Variants in PAX2 observed in about 807,000 individuals in gnomAD.
PAX2 encodes paired box protein Pax-2.
Under a neutral mutation model 41.7 loss-of-function variants are expected in PAX2, and 9 were observed. The ratio of observed to expected loss-of-function variants is 0.22; its 90% CI spans 0.13 to 0.38. The LOEUF is 0.38. PAX2 is among the 10% of genes least tolerant of loss of function. The probability of loss-of-function intolerance (pLI) is 1.00; values close to 1 mark genes in which losing one functional copy is unlikely to be tolerated. For missense variants in PAX2, 418 were observed against 531.6 expected, an observed-to-expected ratio of 0.79 and a Z score of 2.10; for synonymous variants, 221 against 212.7, an observed-to-expected ratio of 1.04 and a Z score of -0.34.
intron 1 of PAX2, chr10:100,735,763 C>G: frequency 1.9e-6 from 2 of 1,029,942 alleles, no homozygotes; most frequent in Non-Finnish European, 2.3e-6. Flanking sequence ...GTCCGCGCCG[C>G]AGGCGAGGAC....
In PAX2 at chr10:100,779,512, A is replaced by G. The variant is rs1188456505; in HGVS notation, c.425A>G (p.Lys142Arg). ...CGCTGTTGCAGAATCATCCGGACCA[A>G]AGTTCAGCAGCCTTTCCACCCAACG... ...VSSINRIIRT[K>R]VQQPFHPTPD... Residue 142 changes from lysine to arginine, a missense_variant, in exon 4 of 10, where the codon AAA becomes AGA. Coordinates refer to ENST00000355243, the MANE Select transcript of PAX2 (RefSeq NM_000278.5). 1.9e-6 allele frequency: 3 copies of G among 1,594,818 alleles called. No homozygotes were observed. The highest frequency in any genetic ancestry group is 1.1e-5 in the South Asian group (1 of 87,138).
intron 5 of PAX2, among the ~76,000 whole-genome samples, chr10:100,796,681 A>T (rs1847350446): frequency 6.6e-6 from 1 of 152,056 alleles, no homozygotes; most frequent in African/African-American, 2.4e-5. Context: ...AGCATGGAGC[A>T]TTTTGCTTTC....
intron 3 of PAX2, among the ~76,000 whole-genome samples, chr10:100,771,901 GC>G (rs542470720): frequency 2.1e-4 from 31 of 151,164 alleles, no homozygotes; most frequent in African/African-American, 7.3e-4. Flanking sequence ...TTCACCTCCC[GC>G]GTTCAAGCAA....
At chr10:100,775,512 C>G (rs1238241761) in intron 3 of PAX2, among the ~76,000 whole-genome samples, 5 of 152,202 alleles carry the variant, frequency 3.3e-5, no homozygotes, top group African/African-American at 1.2e-4. Context: ...CCCAGCTCCT[C>G]CCCCATGCAC....
chr10:100,824,932 T>G lies in PAX2; in HGVS notation c.1021+183T>G. ...GCAGTTGGTCCCTCATCCTCCCTCA[T>G]GAGCAAGCCGGGGAGGAAGCTTGCA... On this transcript the variant is annotated intron_variant, in intron 8 of 9. Transcript: ENST00000355243. This position sits in a 1 kb window ranked among gnomAD's most constrained non-coding sequence, Gnocchi z 6.6. 1.2e-6 allele frequency: 2 copies of G among 1,614,138 alleles called. No homozygotes were observed. The highest frequency in any genetic ancestry group is 1.7e-6 in the Non-Finnish European group (2 of 1,180,008).
At position 100,765,916 on chromosome 10, in the gene PAX2, T is replaced by TATC. The variant is rs35255034; in HGVS notation, c.411-13552_411-13550dup. Among the ~76,000 whole-genome samples, 153 of 151,020 alleles carry TATC rather than the reference T, an allele frequency of 1.0e-3. 1 individual carries two copies. Among genetic ancestry groups the TATC allele is most frequent in the South Asian group, 3.2e-3 (15 of 4,736 alleles). The stretch of plus-strand genomic sequence containing the variant: ...GCTTTACTCAGAAAGCCTTTATATT[T>TATC]ATCATCATCATCATCATCATCATCA... On this transcript the variant is annotated intron_variant, in intron 3 of 9. Transcript: ENST00000355243.
chr10:100,745,930 T>G lies in PAX2; in HGVS notation c.-331T>G, dbSNP rs1589805542. On this transcript the variant is annotated 5_prime_UTR_variant, in exon 1 of 10. Transcript: ENST00000355243. Reference sequence around the variant, plus strand: ...AGCGAGTCGCCTCCCCCGCCCAGCTTCAGCCCTGGCTGCAGCTGCAGCGCG... The same window carrying G: ...AGCGAGTCGCCTCCCCCGCCCAGCTGCAGCCCTGGCTGCAGCTGCAGCGCG... 1.8e-5 allele frequency: 22 copies of G among 1,226,512 alleles called. No individual in the cohort carries two copies. The East Asian group carries it at 8.3e-4, about 46-fold the overall frequency. The allele number at this position is 1,226,512 out of a possible 1,614,324, so 76.0% of individuals were successfully genotyped here. A position where few individuals can be genotyped will look rare whatever the true frequency, so the allele number is the denominator to read the frequency against.
chr10:100,739,350 C>G lies in PAX2; in HGVS notation c.25+3617C>G, dbSNP rs978580469. On this transcript the variant is annotated intron_variant, in intron 1 of 9. Transcript: ENST00000679374. ...CCTTTGGGCCTCCCAGTCTCTCTGG[C>G]GGGTCCCCCTGCCTTACCAGCTCCC... Among the ~76,000 whole-genome samples the G allele has an allele frequency of 2.6e-5, 4 of 152,234 alleles. No individual in the cohort carries two copies. In the East Asian group the frequency reaches 7.7e-4, roughly 29 times the overall value.
chr10:100,740,460 G>A (rs979982194), intron 1 of PAX2, among the ~76,000 whole-genome samples: 1 of 152,192 alleles, frequency 6.6e-6, no homozygotes, highest in African/African-American at 2.4e-5. Context: ...GGCGGCGCGG[G>A]GAGGAATCCC....
At chr10:100,739,493 C>T (rs1844881277) in intron 1 of PAX2, among the ~76,000 whole-genome samples, 1 of 152,184 alleles carries the variant, frequency 6.6e-6, no homozygotes, top group Non-Finnish European at 1.5e-5. Context: ...CGGCTCGCAA[C>T]TCTGGGAAAC....
intron 3 of PAX2, among the ~76,000 whole-genome samples, chr10:100,772,868 C>T (rs959363957): frequency 6.6e-6 from 1 of 152,176 alleles, no homozygotes; most frequent in Non-Finnish European, 1.5e-5. Flanking sequence ...TTCTAGACAG[C>T]AGGAAAGGAT....
intron 3 of PAX2, among the ~76,000 whole-genome samples, chr10:100,765,035 G>A (rs1170449441): frequency 6.6e-6 from 1 of 152,110 alleles, no homozygotes; most frequent in Non-Finnish European, 1.5e-5. Context: ...AATGAAATCT[G>A]TCTATTCTTG....
chr10:100,783,659 C>CTTTTT (rs36041109), intron 5 of PAX2, among the ~76,000 whole-genome samples: 5 of 118,472 alleles, frequency 4.2e-5, no homozygotes, highest in African/African-American at 6.5e-5. Flanking sequence ...GGAGTTTGGG[C>CTTTTT]TTTTTTTTTT....
chr10:100,779,635 A>G (rs1846533883), intron 4 of PAX2, 52 bp downstream of exon 4: 1 of 1,394,926 alleles, frequency 7.2e-7, no homozygotes, highest in South Asian at 1.2e-5. Context: ...AGAGAAAGGC[A>G]GGAAACGCAG....
intron 5 of PAX2, chr10:100,786,876 C>T (rs1179985923): frequency 1.0e-6 from 1 of 957,070 alleles, no homozygotes. Flanking sequence ...TGGGATCCTG[C>T]CCCCAATCTT....
intron 5 of PAX2, among the ~76,000 whole-genome samples, chr10:100,802,568 G>C (rs561754159): frequency 2.0e-5 from 3 of 152,194 alleles, no homozygotes; most frequent in Non-Finnish European, 4.4e-5. Flanking sequence ...GGGTGTCCTT[G>C]GGTGCCAGGC....
intron 3 of PAX2, among the ~76,000 whole-genome samples, chr10:100,775,009 A>T (rs1317961345): frequency 6.6e-6 from 1 of 152,224 alleles, no homozygotes; most frequent in Admixed American, 6.5e-5. Context: ...GCATCTTGTG[A>T]AGGAAAGAGA....
intron 3 of PAX2, among the ~76,000 whole-genome samples, chr10:100,751,827 A>G (rs1845454528): frequency 6.6e-6 from 1 of 152,124 alleles, no homozygotes; most frequent in Non-Finnish European, 1.5e-5. Flanking sequence ...GTACAAACTG[A>G]CAGTTGTTCA....
chr10:100,753,180 G>A (rs908516866), intron 3 of PAX2, among the ~76,000 whole-genome samples: 1 of 152,200 alleles, frequency 6.6e-6, no homozygotes, highest in Non-Finnish European at 1.5e-5. Flanking sequence ...CCGTAGTTAG[G>A]CTTCATGGCT....
Sources: allele counts gnomAD v4.1 joint callset (sites outside exome capture counted in the v4.1 genomes callset), GRCh38; gene constraint gnomAD v4.1.1; non-coding constraint Gnocchi (gnomAD v3.1); transcripts MANE v1.5; gene names NCBI Gene and HGNC (gene_info 2026-07-23, HGNC 2026-07-21).